NOTCH2: variants seen among roughly 807,000 people sequenced by gnomAD.
The protein encoded by NOTCH2 is neurogenic locus notch homolog protein 2.
Under a neutral mutation model 235.8 loss-of-function variants are expected in NOTCH2, and 29 were observed. That is an observed-to-expected ratio of 0.12 (90% confidence interval 0.09 to 0.17). NOTCH2 has a LOEUF of 0.17. Ranked by LOEUF, NOTCH2 falls within the 10% of genes least tolerant of loss-of-function variation. NOTCH2 has a pLI of 1.00. For missense variants in NOTCH2, 2,285 were observed against 3,150.2 expected (o/e 0.73, Z 6.57); for synonymous variants, 1,086 against 1,141.5 (o/e 0.95, Z 0.98).
Position 119,941,561 on chromosome 1 carries a change from G to A in NOTCH2, c.2946C>T (p.Val982=), listed in dbSNP as rs782472668. 6 of 1,613,878 alleles carry A rather than the reference G, an allele frequency of 3.7e-6. No individual in the cohort carries two copies. The highest frequency in any genetic ancestry group is 3.3e-5 in the South Asian group (3 of 91,072). The change falls in exon 18 of 34, where the codon GTC becomes GTT. Residue 982 remains valine, a synonymous_variant. Transcript: ENST00000256646. Reference sequence around the variant, plus strand: ...ACTCATTGATGTTGTTCTCACAATGGACTCCATCAAATCCTGCCTGGCACT... The same window carrying A: ...ACTCATTGATGTTGTTCTCACAATGAACTCCATCAAATCCTGCCTGGCACT... ...TCKCQAGFDG[V]HCENNINECT... is the part of the protein sequence containing the mutation.
At chr1:119,956,417 C>T (rs587630189) in intron 12 of NOTCH2, among the ~76,000 whole-genome samples, 2 of 152,294 alleles carry the variant, frequency 1.3e-5, no homozygotes, top group Non-Finnish European at 2.9e-5. Context: ...ATAGGACATT[C>T]CAAATGAAAC....
intron 1 of NOTCH2, among the ~76,000 whole-genome samples, chr1:120,057,141 C>G (rs1655153003): frequency 7.1e-6 from 1 of 141,556 alleles, no homozygotes; most frequent in Non-Finnish European, 1.5e-5. Flanking sequence ...GTGAATGCAC[C>G]AAGAAGCCAG....
In NOTCH2 at chr1:119,997,296, T is replaced by C; in HGVS notation, c.452A>G (p.His151Arg). ...ECQWTDACLS[H>R]PCANGSTCTT... ...ACAGGTACTTCCATTTGCACAGGGA[T>C]GAGACAGGCAGGCATCCGTCCATTG... Residue 151 changes from histidine to arginine, a missense_variant, in exon 4 of 34, where the codon CAT (histidine) becomes CGT (arginine). Transcript: ENST00000256646. 2 of 1,613,982 alleles carry C rather than the reference T, an allele frequency of 1.2e-6. No homozygotes were observed. The highest frequency in any genetic ancestry group is 1.3e-5 in the African/African-American group (1 of 75,044).
rs755205599 is a variant in NOTCH2, at chr1:119,919,599, A to G, written c.5494T>C (p.Leu1832=). ...CCTCCTCGGAGAGAAGCCAACATCA[A>G]TGGGGTGCAGCCATCTGTAGGAATG... ...NVRGPDGCTP[L]MLASLRGGSS... The change falls in exon 31 of 34, where the codon TTG becomes CTG. Residue 1832 remains leucine (L), a synonymous_variant. Coordinates refer to ENST00000256646, the MANE Select transcript of NOTCH2 (RefSeq NM_024408.4). 12 of 1,614,118 alleles carry G rather than the reference A, an allele frequency of 7.4e-6. No individual in the cohort carries two copies. Among genetic ancestry groups the G allele is most frequent in the Admixed American group, 1.7e-5 (1 of 60,014 alleles).
chr1:119,919,386 C>A lies in NOTCH2; in HGVS notation c.5707G>T (p.Ala1903Ser). The change falls in exon 31 of 34, where the codon GCC (alanine) becomes TCC (serine). Residue 1903 changes from alanine to serine, a missense_variant. Around this residue, in one of 6 missense-constraint regions of NOTCH2, gnomAD observed 128 missense variants for 255.9 expected, o/e 0.50. Transcript: ENST00000256646. ...CGGCCCATGTTGTCCTGGGCATTGG[C>A]ATCTGCACCTGCATCCAGGAGACGC... ...AKRLLDAGAD[A>S]NAQDNMGRCP... 1 of 1,613,740 alleles carries A rather than the reference C, an allele frequency of 6.2e-7. No homozygotes were observed. The highest frequency in any genetic ancestry group is 1.1e-5 in the South Asian group (1 of 91,072).
intron 12 of NOTCH2, among the ~76,000 whole-genome samples, chr1:119,955,524 A>G (rs945417090): frequency 7.2e-5 from 11 of 152,222 alleles, no homozygotes; most frequent in Non-Finnish European, 1.5e-4. Flanking sequence ...CAAGGTTCTA[A>G]GAAGAGAATG....
At chr1:119,940,267 C>CA (rs1437103193) in intron 19 of NOTCH2, among the ~76,000 whole-genome samples, 2 of 151,844 alleles carry the variant, frequency 1.3e-5, no homozygotes, top group East Asian at 3.8e-4. Context: ...ATGTAAAAAA[C>CA]AAAAAAACAA....
intron 10 of NOTCH2, 35 bp downstream of exon 10, chr1:119,965,418 C>A: frequency 6.6e-7 from 1 of 1,505,610 alleles, no homozygotes; most frequent in Non-Finnish European, 9.2e-7. Context: ...TTCAGATGGA[C>A]CTACCAAGGA....
In NOTCH2 at chr1:119,960,673, T is replaced by G. The variant is rs141498266; in HGVS notation, c.1916-1171A>C. Among the ~76,000 whole-genome samples the G allele has an allele frequency of 9.4e-4, 142 of 151,772 alleles. 1 individual carries two copies. The highest frequency in any genetic ancestry group is 3.3e-3 in the African/African-American group (136 of 41,400). ...TACTTGTGATTCACTCATACTTTGTTTTTCTTTCTTTTTTTTCAGAGATAG... is the reference window on the plus strand; with the variant it reads ...TACTTGTGATTCACTCATACTTTGTGTTTCTTTCTTTTTTTTCAGAGATAG... On this transcript the variant is annotated intron_variant, in intron 11 of 33. Coordinates refer to ENST00000256646, the MANE Select transcript of NOTCH2 (RefSeq NM_024408.4).
chr1:119,934,056 G>A (rs1649760379), intron 22 of NOTCH2, among the ~76,000 whole-genome samples: 1 of 152,208 alleles, frequency 6.6e-6, no homozygotes. Context: ...GACTTTATTT[G>A]AGTGACAAAA....
rs1234251616 is a variant in NOTCH2, at chr1:119,913,504, G to A, written c.*1802C>T. On this transcript the variant is annotated 3_prime_UTR_variant, in exon 34 of 34. Coordinates refer to ENST00000256646, the MANE Select transcript of NOTCH2 (RefSeq NM_024408.4). ...GCAGAACTTATTTTGCAGGTGTCAT[G>A]GGCATCACAGCACTGGACGGAAGTT... 4.3e-6 allele frequency: 1 copy of A among 233,258 alleles called. No homozygotes were observed. Among genetic ancestry groups the A allele is most frequent in the East Asian group, 6.0e-5 (1 of 16,576 alleles). 14.4% of individuals were successfully genotyped at this position (233,258 alleles called of 1,614,324 possible).
chr1:119,917,762 C>T lies in NOTCH2; in HGVS notation c.5930G>A (p.Gly1977Glu), dbSNP rs748076767. ...AGCTGCCCAGTGAAGAGCAGATTTT[C>T]CTGCAGGGGAGAAACATTTTTATAA... The part of the protein sequence containing the change: ...QADVNAVDDH[G>E]KSALHWAAAV... The change falls in exon 33 of 34, where the codon GGA (glycine) becomes GAA (glutamate). Residue 1977 changes from glycine to glutamate, a missense_variant and splice_region_variant. Physicochemically the swap from Gly to Glu is moderately conservative, Grantham distance 98. This residue lies in a region of NOTCH2 where 128 missense variants were observed against 255.9 expected (regional missense o/e 0.50). Coordinates refer to ENST00000256646, the MANE Select transcript of NOTCH2 (RefSeq NM_024408.4). 3 of 1,596,302 alleles carry T rather than the reference C, an allele frequency of 1.9e-6. No individual in the cohort carries two copies.
intron 11 of NOTCH2, among the ~76,000 whole-genome samples, chr1:119,960,770 C>T (rs1650906172): frequency 6.6e-6 from 1 of 151,988 alleles, no homozygotes; most frequent in Non-Finnish European, 1.5e-5. Flanking sequence ...ATATCCCTGA[C>T]TCAAGCTATC....
intron 19 of NOTCH2, 33 bp downstream of exon 19, chr1:119,940,522 G>C (rs1553196306): frequency 3.2e-6 from 5 of 1,581,594 alleles, no homozygotes; most frequent in Admixed American, 1.7e-5. Flanking sequence ...GCTGCTCTAG[G>C]GGAGCTGAGT....
At chr1:119,974,980 C>G (rs1180576062) in intron 5 of NOTCH2, among the ~76,000 whole-genome samples, 8 of 152,194 alleles carry the variant, frequency 5.3e-5, no homozygotes, top group Non-Finnish European at 5.9e-5. Context: ...TGGACAGCAT[C>G]TAATCTAACA....
intron 1 of NOTCH2, among the ~76,000 whole-genome samples, chr1:120,040,972 C>T (rs587773890): frequency 6.3e-4 from 81 of 129,072 alleles, no homozygotes; most frequent in African/African-American, 1.7e-3. Flanking sequence ...ACCCGGGAGG[C>T]GGAGCTTGCA....
At chr1:119,920,120 T>C in intron 30 of NOTCH2, 109 bp downstream of exon 30, 1 of 1,195,956 alleles carries the variant, frequency 8.4e-7, no homozygotes. Context: ...ATTTAGAGTC[T>C]GTGAAATTGG....
chr1:119,933,382 G>C (rs1299321985), intron 22 of NOTCH2, among the ~76,000 whole-genome samples: 5 of 151,502 alleles, frequency 3.3e-5, no homozygotes, highest in African/African-American at 1.2e-4. Flanking sequence ...AGTTAAGTCA[G>C]GATAAAAAAA....
chr1:120,058,548 TG>T (rs1655205713), intron 1 of NOTCH2, among the ~76,000 whole-genome samples: 1 of 144,280 alleles, frequency 6.9e-6, no homozygotes, highest in Non-Finnish European at 1.5e-5. Flanking sequence ...GTACCAGCTC[TG>T]TCACTTATTA....
Sources: allele counts gnomAD v4.1 joint callset (sites outside exome capture counted in the v4.1 genomes callset), GRCh38; gene constraint gnomAD v4.1.1; regional missense constraint gnomAD v4.1.1; transcripts MANE v1.5; gene names NCBI Gene and HGNC (gene_info 2026-07-23, HGNC 2026-07-21).